Variants in ANXA8 observed in about 807,000 individuals in gnomAD.
ANXA8 encodes annexin A8, also known as VAC-beta.
Under a neutral mutation model 26.8 loss-of-function variants are expected in ANXA8, and 9 were observed. The ratio of observed to expected loss-of-function variants is 0.34; its 90% confidence interval spans 0.20 to 0.59. ANXA8 has a LOEUF of 0.59. Among genes scored for constraint, ANXA8 ranks in the 20% least tolerant of loss-of-function variants. The pLI is 0.84. For synonymous variants in ANXA8, 39 were observed against 94.8 expected (o/e 0.41, Z 3.42); for missense variants, 83 against 238.5 (o/e 0.35, Z 4.29).
At chr10:47,891,342 G>GAA in the ANXA8 span, among the ~76,000 whole-genome samples, 83 of 149,582 alleles carry the variant, frequency 5.5e-4, 1 homozygote, top group Admixed American at 1.1e-3. Context: ...CCTATTATTT[G>GAA]AAAAAAAAAC....
At chr10:47,975,684 T>G in the ANXA8 span, among the ~76,000 whole-genome samples, 1 of 151,204 alleles carries the variant, frequency 6.6e-6, no homozygotes, top group African/African-American at 2.4e-5. Flanking sequence ...TGATATCAGA[T>G]TTCAAAGCAT....
At chr10:47,565,066 C>CCTT in the ANXA8 span, 1 of 769,852 alleles carries the variant, frequency 1.3e-6, no homozygotes, top group African/African-American at 1.7e-5. Context: ...GCATGTCCTC[C>CCTT]GAAGACGCCT....
the ANXA8 span, among the ~76,000 whole-genome samples, chr10:47,767,822 G>A: frequency 2.0e-5 from 3 of 150,292 alleles, no homozygotes; most frequent in African/African-American, 7.4e-5. Flanking sequence ...TAAGTCTGGG[G>A]CCATGGAAAG....
the ANXA8 span, among the ~76,000 whole-genome samples, chr10:47,748,502 C>T: frequency 4.6e-5 from 7 of 151,834 alleles, no homozygotes; most frequent in South Asian, 2.1e-4. Flanking sequence ...CGTGAGCCAC[C>T]GCACCCGACC....
the ANXA8 span, among the ~76,000 whole-genome samples, chr10:47,973,929 T>C: frequency 0.012 from 1,798 of 151,152 alleles, 23 homozygotes; most frequent in African/African-American, 0.041. Context: ...AGGTTTTTTA[T>C]TATTGGTTTA....
the ANXA8 span, among the ~76,000 whole-genome samples, chr10:47,772,446 G>A: frequency 1.3e-5 from 2 of 152,248 alleles, no homozygotes; most frequent in African/African-American, 4.8e-5. Context: ...TTGCTCACTG[G>A]CCAGACCCAC....
At chr10:47,973,554 A>G in the ANXA8 span, 7 of 150,294 alleles carry the variant, frequency 4.7e-5, no homozygotes, top group Admixed American at 2.7e-4. Context: ...AGCAGCCACA[A>G]GTATTGGGAT....
At chr10:47,735,502 A>G in the ANXA8 span, among the ~76,000 whole-genome samples, 11 of 148,888 alleles carry the variant, frequency 7.4e-5, no homozygotes, top group African/African-American at 2.8e-4. Context: ...ATTTTAATAG[A>G]TATTCCTTCA....
At chr10:47,605,688 AAAGTT>A in the ANXA8 span, among the ~76,000 whole-genome samples, 1 of 150,358 alleles carries the variant, frequency 6.7e-6, no homozygotes, top group African/African-American at 2.5e-5. Context: ...AATAAAAAAT[AAAGTT>A]GATTCTTTAA....
At chr10:47,528,396 A>T in the ANXA8 span, among the ~76,000 whole-genome samples, 1 of 134,614 alleles carries the variant, frequency 7.4e-6, no homozygotes, top group Non-Finnish European at 1.6e-5. Context: ...AAAAAAAAAA[A>T]AAAATACTGT....
At chr10:47,666,549 G>A in the ANXA8 span, among the ~76,000 whole-genome samples, 155 of 151,968 alleles carry the variant, frequency 1.0e-3, 1 homozygote, top group African/African-American at 3.2e-3. Context: ...TTATGATGTC[G>A]TGCAAGTAAT....
At chr10:47,777,961 G>A in the ANXA8 span, among the ~76,000 whole-genome samples, 2 of 151,584 alleles carry the variant, frequency 1.3e-5, no homozygotes, top group Non-Finnish European at 2.9e-5. Flanking sequence ...GCAGGTGCAG[G>A]TTTGGTGGGT....
At chr10:47,974,144 T>C in the ANXA8 span, among the ~76,000 whole-genome samples, 1 of 150,848 alleles carries the variant, frequency 6.6e-6, no homozygotes, top group Non-Finnish European at 1.5e-5. Flanking sequence ...GACTTTGCAG[T>C]TGGACATTCC....
the ANXA8 span, among the ~76,000 whole-genome samples, chr10:47,592,218 CAT>C: frequency 6.6e-6 from 1 of 150,642 alleles, no homozygotes; most frequent in Non-Finnish European, 1.5e-5. Flanking sequence ...CTACGACCCT[CAT>C]AGATCTTTGG....
the ANXA8 span, among the ~76,000 whole-genome samples, chr10:47,744,413 G>GGGGGGGGTTGGGGGGGAAGGGGGGAA: frequency 1.0e-3 from 4 of 3,978 alleles, no homozygotes; most frequent in Non-Finnish European, 1.9e-3. Flanking sequence ...GCTCCTGGTG[G>GGGGGGGGTTGGGGGGGAAGGGGGGAA]GGGGGGGGTT....
the ANXA8 span, among the ~76,000 whole-genome samples, chr10:47,945,298 C>G: frequency 1.3e-5 from 2 of 149,996 alleles, no homozygotes; most frequent in Non-Finnish European, 3.0e-5. Context: ...AGAGTGGGCT[C>G]AGCTGCAGAC....
At chr10:47,900,240 C>G in the ANXA8 span, among the ~76,000 whole-genome samples, 1 of 150,400 alleles carries the variant, frequency 6.6e-6, no homozygotes, top group Non-Finnish European at 1.5e-5. Flanking sequence ...CAACAACATA[C>G]CAATAAATGC....
chr10:47,944,847 C>G, the ANXA8 span, among the ~76,000 whole-genome samples: 3 of 147,582 alleles, frequency 2.0e-5, 1 homozygote, highest in Admixed American at 6.7e-5. Context: ...CATCTCCTGA[C>G]AGCCTGGGCC....
the ANXA8 span, among the ~76,000 whole-genome samples, chr10:47,500,822 C>T: frequency 2.5e-5 from 3 of 120,482 alleles, no homozygotes; most frequent in African/African-American, 1.0e-4. Flanking sequence ...CAAGCTTTGC[C>T]TCCTGAGTTC....
Sources: allele counts gnomAD v4.1 joint callset (sites outside exome capture counted in the v4.1 genomes callset), GRCh38; gene constraint gnomAD v4.1.1; transcripts MANE v1.5; gene names NCBI Gene and HGNC (gene_info 2026-07-23, HGNC 2026-07-21).